The following SLC38A6 variants were observed in gnomAD, a reference collection of about 807,000 sequenced individuals.
SLC38A6 encodes N system amino acid transporter NAT-1.
A neutral mutation model predicts 65.0 loss-of-function variants in SLC38A6; 73 were observed. The observed-to-expected ratio is 1.12, with a 90% CI of 0.93 to 1.37. The LOEUF is 1.37. SLC38A6 is among the 40% of genes most tolerant of loss of function. SLC38A6 has a pLI of 0.00. For missense variants in SLC38A6, 561 were observed against 531.1 expected (o/e 1.06, Z -0.55); for synonymous variants, 183 against 178.8 (o/e 1.02, Z -0.19).
intron 3 of SLC38A6, among the ~76,000 whole-genome samples, chr14:61,014,103 A>T (rs958088469): frequency 6.6e-6 from 1 of 151,980 alleles, no homozygotes; most frequent in African/African-American, 2.4e-5. Flanking sequence ...TTTTTTCTCT[A>T]AACTTCTCTT....
intron 3 of SLC38A6, among the ~76,000 whole-genome samples, chr14:61,000,523 C>T (rs1256119660): frequency 4.6e-5 from 7 of 152,098 alleles, no homozygotes; most frequent in African/African-American, 7.2e-5. Context: ...CCCAGCTACT[C>T]GGGAGCCCGA....
intron 8 of SLC38A6, among the ~76,000 whole-genome samples, chr14:61,042,119 A>G (rs1484211574): frequency 2.0e-5 from 3 of 152,094 alleles, no homozygotes; most frequent in Admixed American, 6.5e-5. Flanking sequence ...TGTCTAGTTT[A>G]TCCTTCTACA....
intron 3 of SLC38A6, among the ~76,000 whole-genome samples, chr14:60,989,725 CA>C (rs2037718988): frequency 1.3e-5 from 2 of 151,948 alleles, no homozygotes; most frequent in Non-Finnish European, 1.5e-5. Flanking sequence ...ACCCTGTCTC[CA>C]AAAAGAAAAA....
intron 15 of SLC38A6, among the ~76,000 whole-genome samples, chr14:61,064,648 C>G (rs750793399): frequency 6.7e-6 from 1 of 149,656 alleles, no homozygotes; most frequent in Non-Finnish European, 1.5e-5. Flanking sequence ...AGCAGTGCCC[C>G]CTTCAGCCAA....
intron 16 of SLC38A6, chr14:61,083,439 T>A: frequency 7.0e-7 from 1 of 1,428,914 alleles, no homozygotes; most frequent in South Asian, 1.5e-5. Flanking sequence ...GAGGCCCCAA[T>A]CCCCAGGACC....
At chr14:61,063,632 G>T (rs1465948032) in intron 15 of SLC38A6, among the ~76,000 whole-genome samples, 2 of 152,156 alleles carry the variant, frequency 1.3e-5, no homozygotes, top group Non-Finnish European at 2.9e-5. Flanking sequence ...ACACTCTTTT[G>T]CAGGTGCACC....
intron 15 of SLC38A6, among the ~76,000 whole-genome samples, chr14:61,061,401 T>TA (rs2042836784): frequency 6.6e-6 from 1 of 152,196 alleles, no homozygotes. Flanking sequence ...TTTTCTTTTT[T>TA]TATTGTGTCT....
chr14:60,990,726 G>A (rs2037813322), intron 3 of SLC38A6, among the ~76,000 whole-genome samples: 1 of 151,866 alleles, frequency 6.6e-6, no homozygotes, highest in Admixed American at 6.6e-5. Flanking sequence ...TCGACCTCCT[G>A]CCTCAGCCTC....
intron 10 of SLC38A6, among the ~76,000 whole-genome samples, chr14:61,044,882 G>A (rs1352821581): frequency 1.3e-5 from 2 of 152,092 alleles, no homozygotes; most frequent in Non-Finnish European, 2.9e-5. Context: ...GTATTCCCTT[G>A]GATTGAGTTC....
At chr14:61,051,131 T>C (rs377419115) in intron 13 of SLC38A6, among the ~76,000 whole-genome samples, 12 of 152,340 alleles carry the variant, frequency 7.9e-5, no homozygotes, top group Admixed American at 5.2e-4. Flanking sequence ...GTTGCTATAC[T>C]TGAGAATCTT....
chr14:60,984,091 T>C (rs1273556315), intron 2 of SLC38A6, among the ~76,000 whole-genome samples: 2 of 152,336 alleles, frequency 1.3e-5, no homozygotes, highest in South Asian at 2.1e-4. Flanking sequence ...AATAGGAAAT[T>C]ATCTAAGTTT....
chr14:61,004,872 G>C (rs539868216), intron 3 of SLC38A6, among the ~76,000 whole-genome samples: 1 of 152,252 alleles, frequency 6.6e-6, no homozygotes, highest in Non-Finnish European at 1.5e-5. Context: ...AAGCCAGGCA[G>C]AGACACAACC....
intron 3 of SLC38A6, among the ~76,000 whole-genome samples, chr14:60,991,379 C>A (rs1172023429): frequency 6.6e-6 from 1 of 152,072 alleles, no homozygotes; most frequent in Non-Finnish European, 1.5e-5. Flanking sequence ...TATGAATATT[C>A]ATTTAATCTT....
At chr14:61,023,829 G>A (rs958283483) in intron 5 of SLC38A6, among the ~76,000 whole-genome samples, 1 of 151,842 alleles carries the variant, frequency 6.6e-6, no homozygotes, top group East Asian at 1.9e-4. Context: ...TGTGTCTTTC[G>A]CCAAAGACCC....
chr14:61,048,033 A>G (rs1469486032), intron 12 of SLC38A6: 1 of 389,978 alleles, frequency 2.6e-6, no homozygotes, highest in Non-Finnish European at 5.0e-6. Context: ...ATACATAAAT[A>G]GAATAAATGA....
intron 16 of SLC38A6, among the ~76,000 whole-genome samples, chr14:61,081,443 C>G (rs975759622): frequency 1.3e-5 from 2 of 152,134 alleles, no homozygotes; most frequent in African/African-American, 2.4e-5. Flanking sequence ...CATCCCACAG[C>G]AGGGGCTGAG....
At chr14:60,993,910 C>CA (rs1168785822) in intron 3 of SLC38A6, among the ~76,000 whole-genome samples, 3 of 152,152 alleles carry the variant, frequency 2.0e-5, no homozygotes, top group African/African-American at 7.2e-5. Context: ...ATTAGAATGA[C>CA]AAAAATCTGA....
chr14:61,065,570 A>T (rs1216449626), intron 15 of SLC38A6, among the ~76,000 whole-genome samples: 1 of 152,228 alleles, frequency 6.6e-6, no homozygotes, highest in Non-Finnish European at 1.5e-5. Flanking sequence ...GTAGTGAAGT[A>T]AGCAGAGATC....
intron 3 of SLC38A6, among the ~76,000 whole-genome samples, chr14:61,001,632 T>A (rs2038718354): frequency 6.6e-6 from 1 of 152,220 alleles, no homozygotes; most frequent in Non-Finnish European, 1.5e-5. Flanking sequence ...GTTTTGTTTT[T>A]AATTTTTTTG....
Sources: allele counts gnomAD v4.1 joint callset (sites outside exome capture counted in the v4.1 genomes callset), GRCh38; gene constraint gnomAD v4.1.1; transcripts MANE v1.5; gene names NCBI Gene and HGNC (gene_info 2026-07-23, HGNC 2026-07-21).